Variants in KCND2 observed in about 807,000 individuals in gnomAD.
The protein encoded by KCND2 is potassium voltage-gated channel subfamily D member 2.
KCND2 carries 16 observed loss-of-function variants against 54.4 expected under a neutral mutation model. That is an observed-to-expected ratio of 0.29 (90% CI 0.20 to 0.45). KCND2 has a LOEUF of 0.45. Among genes scored for constraint, KCND2 ranks in the 20% least tolerant of loss-of-function variants. The pLI is 1.00. For missense variants in KCND2, 486 were observed against 824.2 expected (o/e 0.59, Z 5.02); for synonymous variants, 317 against 310.7 (o/e 1.02, Z -0.21).
chr7:120,727,097 A>T (rs1020902437), intron 1 of KCND2, among the ~76,000 whole-genome samples: 3 of 152,152 alleles, frequency 2.0e-5, no homozygotes, highest in Non-Finnish European at 4.4e-5. Flanking sequence ...TAACATTTGT[A>T]CTCTATCAAA....
At chr7:120,397,683 G>A (rs922290672) in intron 1 of KCND2, among the ~76,000 whole-genome samples, 6 of 151,798 alleles carry the variant, frequency 4.0e-5, no homozygotes, top group African/African-American at 1.4e-4. Flanking sequence ...TGTAGATTTA[G>A]CATTTCTGTT....
intron 1 of KCND2, among the ~76,000 whole-genome samples, chr7:120,423,007 A>G (rs1220489480): frequency 1.3e-5 from 2 of 152,200 alleles, no homozygotes; most frequent in African/African-American, 4.8e-5. Context: ...ATATAGTGTC[A>G]CTGCCTGCTG....
intron 1 of KCND2, among the ~76,000 whole-genome samples, chr7:120,536,248 A>T (rs377424516): frequency 1.4e-4 from 21 of 152,274 alleles, no homozygotes; most frequent in South Asian, 8.3e-4. Context: ...TAATTAAAAA[A>T]ATATATATTG....
At chr7:120,404,677 A>G (rs553037071) in intron 1 of KCND2, among the ~76,000 whole-genome samples, 1 of 152,222 alleles carries the variant, frequency 6.6e-6, no homozygotes, top group East Asian at 1.9e-4. Context: ...GTAATAACCT[A>G]TGTTACTCTT....
chr7:120,737,072 AC>A (rs1562924305), intron 2 of KCND2, among the ~76,000 whole-genome samples: 3,300 of 140,120 alleles, frequency 0.024, 212 homozygotes, highest in African/African-American at 0.082. Flanking sequence ...ACACACACAC[AC>A]ACAAACAAAA....
intron 1 of KCND2, among the ~76,000 whole-genome samples, chr7:120,712,448 G>A (rs1792553523): frequency 1.3e-5 from 2 of 150,494 alleles, no homozygotes; most frequent in Admixed American, 6.6e-5. Context: ...TCCAGTAGAG[G>A]CAGGGTTTCA....
chr7:120,290,877 T>C (rs1173943425), intron 1 of KCND2, among the ~76,000 whole-genome samples: 3 of 151,854 alleles, frequency 2.0e-5, no homozygotes, highest in African/African-American at 7.3e-5. Flanking sequence ...TATCCGTAGG[T>C]TGGGGATAGA....
chr7:120,530,016 T>A (rs1216503652), intron 1 of KCND2, among the ~76,000 whole-genome samples: 1 of 151,942 alleles, frequency 6.6e-6, no homozygotes, highest in East Asian at 1.9e-4. Flanking sequence ...AAGGCTGCAG[T>A]GAGCCATGAT....
At chr7:120,544,992 C>G (rs1007227834) in intron 1 of KCND2, among the ~76,000 whole-genome samples, 2 of 151,894 alleles carry the variant, frequency 1.3e-5, no homozygotes, top group African/African-American at 4.8e-5. Context: ...ATATTCAGTA[C>G]TAGTAGTTCC....
intron 1 of KCND2, among the ~76,000 whole-genome samples, chr7:120,418,395 CA>C (rs995179430): frequency 1.1e-4 from 16 of 150,788 alleles, no homozygotes; most frequent in East Asian, 3.9e-4. Context: ...TTTTGAAATA[CA>C]AAAAAAAAGA....
intron 1 of KCND2, among the ~76,000 whole-genome samples, chr7:120,530,470 A>G (rs1791830125): frequency 6.6e-6 from 1 of 152,174 alleles, no homozygotes; most frequent in African/African-American, 2.4e-5. Context: ...TCTTTGAAGT[A>G]TATATCTAAC....
intron 1 of KCND2, among the ~76,000 whole-genome samples, chr7:120,670,521 C>T (rs1199916886): frequency 6.6e-6 from 1 of 151,998 alleles, no homozygotes; most frequent in Non-Finnish European, 1.5e-5. Context: ...AGCCACCACC[C>T]GCTTCCCCAA....
At chr7:120,590,218 C>T (rs1283974135) in intron 1 of KCND2, among the ~76,000 whole-genome samples, 1 of 152,040 alleles carries the variant, frequency 6.6e-6, no homozygotes, top group Non-Finnish European at 1.5e-5. Context: ...GGGGTTTCAC[C>T]ATATTGGCCC....
chr7:120,403,339 CA>C (rs2116086276), intron 1 of KCND2, among the ~76,000 whole-genome samples: 1 of 150,082 alleles, frequency 6.7e-6, no homozygotes, highest in Non-Finnish European at 1.5e-5. Context: ...CTTTTATAGA[CA>C]GAGTCTCCCT....
At chr7:120,406,977 A>G (rs959160310) in intron 1 of KCND2, among the ~76,000 whole-genome samples, 3 of 152,006 alleles carry the variant, frequency 2.0e-5, no homozygotes, top group African/African-American at 7.2e-5. Flanking sequence ...GTAGTTTCAT[A>G]AGATGTGATA....
At position 120,716,256 on chromosome 7, in the gene KCND2, AT is replaced by A. The variant is rs558965557; in HGVS notation, c.1116-16646del. 3.2e-3 allele frequency among the ~76,000 whole-genome samples: 482 copies of A among 152,282 alleles called. 1 individual carries two copies. The highest frequency in any genetic ancestry group is 0.011 in the African/African-American group (457 of 41,580). On this transcript the variant is annotated intron_variant, in intron 1 of 5. Transcript: ENST00000331113. The stretch of plus-strand genomic sequence containing the variant: ...TATGTATAAGCAGTAAATCAAAAAA[AT>A]GAATAAAATTAGAAAGTTATATAAA...
intron 1 of KCND2, among the ~76,000 whole-genome samples, chr7:120,426,229 T>C (rs893161728): frequency 1.2e-4 from 19 of 152,202 alleles, no homozygotes; most frequent in Admixed American, 1.2e-3. Flanking sequence ...ATTTAAAATA[T>C]ATTTTACAAA....
intron 1 of KCND2, among the ~76,000 whole-genome samples, chr7:120,423,561 C>T (rs890512676): frequency 6.6e-6 from 1 of 152,140 alleles, no homozygotes; most frequent in Non-Finnish European, 1.5e-5. Context: ...GTTGTTTTCT[C>T]CCATAAAGCT....
At chr7:120,291,367 C>T (rs1236937089) in intron 1 of KCND2, among the ~76,000 whole-genome samples, 2 of 151,848 alleles carry the variant, frequency 1.3e-5, no homozygotes, top group Non-Finnish European at 2.9e-5. Flanking sequence ...GTCTGTAGTA[C>T]TGTACTCTGT....
Sources: gnomAD v4.1 joint callset for allele counts (sites outside exome capture counted in the v4.1 genomes callset) on GRCh38, gnomAD v4.1.1 for gene constraint, MANE v1.5 for transcripts, NCBI Gene and HGNC (gene_info 2026-07-23, HGNC 2026-07-21) for gene names.